The following ZNF469 variants were observed in gnomAD, a reference collection of about 807,000 sequenced individuals.
The protein encoded by ZNF469 is zinc finger protein 469.
Under a neutral mutation model 1.0 loss-of-function variants are expected in ZNF469, and 1 was observed. The observed-to-expected ratio is 1.00, with a 90% CI of 0.35 to 4.73. The LOEUF (loss-of-function observed/expected upper bound fraction) is 4.73, where lower values mean the gene tolerates loss of function less well. Ranked by LOEUF, ZNF469 falls within the 30% of genes most tolerant of loss-of-function variation. The pLI is 0.16. For synonymous variants in ZNF469, 2,703 were observed against 2,363.4 expected (o/e 1.14, Z -4.17); for missense variants, 6,100 against 5,356.3 (o/e 1.14, Z -4.33).
Position 88,428,454 on chromosome 16 carries a change from C to A in ZNF469, c.984C>A (p.Thr328=). The A allele has an allele frequency of 6.5e-7, 1 of 1,548,586 alleles. No homozygotes were observed. The highest frequency in any genetic ancestry group is 8.7e-7 in the Non-Finnish European group (1 of 1,146,720). The change falls in exon 3 of 3, where the codon ACC becomes ACA. Residue 328 remains threonine (T), a synonymous_variant. Coordinates refer to ENST00000565624, the MANE Select transcript of ZNF469 (RefSeq NM_001367624.2). The part of the protein sequence containing the change: ...VGTGPAYPLP[T]QPAPSPLPCY... Reference sequence around the variant, plus strand: ...CGGGCCCTGCCTACCCGCTGCCCACCCAGCCTGCGCCCTCACCCCTGCCCT... The same window carrying A: ...CGGGCCCTGCCTACCCGCTGCCCACACAGCCTGCGCCCTCACCCCTGCCCT...
the ZNF469 span, among the ~76,000 whole-genome samples, chr16:88,333,580 G>T: frequency 2.0e-5 from 3 of 152,340 alleles, no homozygotes; most frequent in South Asian, 6.2e-4. Context: ...GGGCCCACGG[G>T]TGACTGAGCG....
chr16:88,380,184 T>G (rs564171942), upstream of ZNF469, among the ~76,000 whole-genome samples: 3 of 120,094 alleles, frequency 2.5e-5, no homozygotes, highest in South Asian at 5.9e-4. Flanking sequence ...CACACACAAA[T>G]GCACTCACAC....
chr16:88,333,826 G>C, the ZNF469 span, among the ~76,000 whole-genome samples: 1 of 151,278 alleles, frequency 6.6e-6, no homozygotes, highest in Non-Finnish European at 1.5e-5. Context: ...AGTGACGGCT[G>C]CGTGGCAGGG....
chr16:88,338,032 G>A, the ZNF469 span, among the ~76,000 whole-genome samples: 12 of 152,142 alleles, frequency 7.9e-5, no homozygotes, highest in Middle Eastern at 3.4e-3. Flanking sequence ...CTGTGCTTTC[G>A]GTGACACATC....
At chr16:88,190,370 C>T in the ZNF469 span, among the ~76,000 whole-genome samples, 15 of 152,390 alleles carry the variant, frequency 9.8e-5, no homozygotes, top group Middle Eastern at 3.4e-3. Context: ...CCCAGCACAG[C>T]CCCACCATGC....
At chr16:88,407,407 A>G (rs896231441) in intron 1 of ZNF469, among the ~76,000 whole-genome samples, 9 of 152,146 alleles carry the variant, frequency 5.9e-5, no homozygotes, top group Non-Finnish European at 8.8e-5. Flanking sequence ...GATGGGGCGG[A>G]CCCTCATCAG....
In ZNF469 at chr16:88,434,742, A is replaced by G. The variant is rs572687871; in HGVS notation, c.7272A>G (p.Gln2424=). The G allele has an allele frequency of 3.2e-6, 5 of 1,550,248 alleles. No homozygotes were observed. The African/African-American group carries it at 6.8e-5, about 21-fold the overall frequency. Residue 2424 remains glutamine, a synonymous_variant, in exon 3 of 3, where the codon CAA becomes CAG. Coordinates refer to ENST00000565624, the MANE Select transcript of ZNF469 (RefSeq NM_001367624.2). ...TASDFQSDSP[Q]SHRNASHQTP... The stretch of plus-strand genomic sequence containing the variant: ...GTGACTTCCAGTCTGACTCCCCCCA[A>G]AGCCACAGAAATGCCTCCCACCAGA...
chr16:88,402,701 G>A (rs1393751387), intron 1 of ZNF469, among the ~76,000 whole-genome samples: 2 of 152,156 alleles, frequency 1.3e-5, no homozygotes, highest in African/African-American at 2.4e-5. Context: ...GCCCTGCCAG[G>A]ATCTGGGGGC....
At chr16:88,321,678 C>G in the ZNF469 span, among the ~76,000 whole-genome samples, 1 of 152,162 alleles carries the variant, frequency 6.6e-6, no homozygotes, top group Admixed American at 6.5e-5. Context: ...AAGGCCTCAC[C>G]TGATTGGTGT....
the ZNF469 span, among the ~76,000 whole-genome samples, chr16:88,243,766 G>C: frequency 2.6e-5 from 4 of 151,306 alleles, no homozygotes; most frequent in Non-Finnish European, 5.9e-5. Flanking sequence ...TGAATAGATG[G>C]ATGGATGCAA....
At chr16:88,122,535 G>A in the ZNF469 span, among the ~76,000 whole-genome samples, 1 of 152,014 alleles carries the variant, frequency 6.6e-6, no homozygotes, top group Non-Finnish European at 1.5e-5. Flanking sequence ...ACTTGCTATG[G>A]CCACGGCAGC....
At position 88,428,025 on chromosome 16, in the gene ZNF469, G is replaced by A; in HGVS notation, c.555G>A (p.Gln185=). Residue 185 remains glutamine, a synonymous_variant, in exon 3 of 3, where the codon CAG becomes CAA. Coordinates refer to ENST00000565624, the MANE Select transcript of ZNF469 (RefSeq NM_001367624.2). ...AGCTTGGCTTCCACAGGTGCTTCCA[G>A]GAGCCACCCTCCAGCTTTACCTCCA... ...AEELGFHRCF[Q]EPPSSFTSTN... is the part of the protein sequence containing the mutation. 1.3e-6 allele frequency: 2 copies of A among 1,550,004 alleles called. No individual in the cohort carries two copies. The highest frequency in any genetic ancestry group is 8.7e-7 in the Non-Finnish European group (1 of 1,146,876).
chr16:88,270,732 T>C, the ZNF469 span, among the ~76,000 whole-genome samples: 1 of 152,280 alleles, frequency 6.6e-6, no homozygotes, highest in African/African-American at 2.4e-5. Context: ...TTTTGCCTGC[T>C]TCTCATTCCT....
At chr16:88,403,653 A>G (rs1044962474) in intron 1 of ZNF469, among the ~76,000 whole-genome samples, 2 of 152,244 alleles carry the variant, frequency 1.3e-5, no homozygotes, top group African/African-American at 4.8e-5. Flanking sequence ...CGGCCCCCAC[A>G]GTTTGTACCA....
At chr16:88,422,176 G>A (rs983391462) in intron 1 of ZNF469, among the ~76,000 whole-genome samples, 2 of 146,214 alleles carry the variant, frequency 1.4e-5, no homozygotes, top group African/African-American at 5.1e-5. Flanking sequence ...GGATGGGCAG[G>A]AGGATGGGGG....
At chr16:88,256,946 CTTTCT>C in the ZNF469 span, among the ~76,000 whole-genome samples, 12,350 of 32,228 alleles carry the variant, frequency 0.38, 3,441 homozygotes, top group Middle Eastern at 0.46. Flanking sequence ...TTCTTTCTTT[CTTTCT>C]TTTCTTTTCT....
At chr16:88,311,629 A>G in the ZNF469 span, among the ~76,000 whole-genome samples, 261 of 152,234 alleles carry the variant, frequency 1.7e-3, 2 homozygotes, top group African/African-American at 5.9e-3. Context: ...CTGGGCTCCA[A>G]CTGAGGGGTG....
chr16:88,129,221 C>G, the ZNF469 span, among the ~76,000 whole-genome samples: 2 of 152,208 alleles, frequency 1.3e-5, no homozygotes, highest in Admixed American at 1.3e-4. Flanking sequence ...TGCCAGGAAC[C>G]AAACTAACAC....
chr16:88,239,667 GTATATATATATATA>G, the ZNF469 span, among the ~76,000 whole-genome samples: 20 of 28,218 alleles, frequency 7.1e-4, 1 homozygote, highest in Non-Finnish European at 1.2e-3. Context: ...TTTTTTTTTT[GTATATATATATATA>G]TATATATATA....
Sources: gnomAD v4.1 joint callset for allele counts (sites outside exome capture counted in the v4.1 genomes callset) on GRCh38, gnomAD v4.1.1 for gene constraint, MANE v1.5 for transcripts, NCBI Gene and HGNC (gene_info 2026-07-23, HGNC 2026-07-21) for gene names.